NME7: variants seen among roughly 807,000 people sequenced by gnomAD.
NME7 encodes nucleoside diphosphate kinase 7.
In NME7, 41 loss-of-function variants were observed where a neutral mutation model predicts 49.1. That is an observed-to-expected ratio of 0.83 (90% CI 0.65 to 1.08). The LOEUF is 1.08. Ranked by LOEUF, NME7 falls within the 50% of genes least tolerant of loss-of-function variation. NME7 has a pLI of 0.00. For synonymous variants in NME7, 139 were observed against 150.6 expected (o/e 0.92, Z 0.56); for missense variants, 423 against 463.4 (o/e 0.91, Z 0.80).
At chr1:169,153,051 T>A (rs1200162) in intron 11 of NME7, among the ~76,000 whole-genome samples, 3,023 of 152,214 alleles carry the variant, frequency 0.02, 103 homozygotes, top group African/African-American at 0.069. Context: ...TTGACCTAGT[T>A]TGCTGTATAG....
chr1:169,311,760 A>G (rs1404334390), intron 3 of NME7, among the ~76,000 whole-genome samples: 2 of 152,200 alleles, frequency 1.3e-5, no homozygotes, highest in Non-Finnish European at 2.9e-5. Context: ...AGTAGTCATC[A>G]ATGTCTATAA....
At chr1:169,147,748 T>TA (rs1658800435) in intron 11 of NME7, among the ~76,000 whole-genome samples, 1 of 152,204 alleles carries the variant, frequency 6.6e-6, no homozygotes, top group Non-Finnish European at 1.5e-5. Context: ...ATATGAGATT[T>TA]AAAAGTAACG....
chr1:169,149,247 A>C (rs1258850942), intron 11 of NME7, among the ~76,000 whole-genome samples: 1 of 152,166 alleles, frequency 6.6e-6, no homozygotes, highest in Non-Finnish European at 1.5e-5. Context: ...AGGCCAAGGC[A>C]GGAGATTTGC....
intron 1 of NME7, among the ~76,000 whole-genome samples, chr1:169,349,129 G>A (rs1200019859): frequency 6.6e-6 from 1 of 151,878 alleles, no homozygotes; most frequent in Non-Finnish European, 1.5e-5. Flanking sequence ...TAAAGAATAA[G>A]TTAATAAGTT....
chr1:169,198,288 G>GA (rs1453676016), intron 10 of NME7, among the ~76,000 whole-genome samples: 1 of 152,038 alleles, frequency 6.6e-6, no homozygotes, highest in East Asian at 1.9e-4. Context: ...AGCCATTTTG[G>GA]AAAAAACTCT....
In NME7 at chr1:169,230,728, G is replaced by C; in HGVS notation, c.980C>G (p.Pro327Arg). 6.3e-7 allele frequency: 1 copy of C among 1,595,334 alleles called. No individual in the cohort carries two copies. The change falls in exon 10 of 12, where the codon CCT becomes CGT. Residue 327 changes from proline (P) to arginine (R), a missense_variant. By Grantham distance (103) the Pro-to-Arg change is moderately radical. Coordinates refer to ENST00000367811, the MANE Select transcript of NME7 (RefSeq NM_013330.5). ...TAAACAATAACTTACAGGATCAGCAGGTCCACAAAATTCTCGAAATGTCTT... is the reference window on the plus strand; with the variant it reads ...TAAACAATAACTTACAGGATCAGCACGTCCACAAAATTCTCGAAATGTCTT... ...ATKTFREFCG[P>R]ADPEIARHLR... is the part of the protein sequence containing the mutation.
Position 169,273,901 on chromosome 1 carries a change from G to A in NME7, c.754+13402C>T, listed in dbSNP as rs1398246926. 2.3e-5 allele frequency among the ~76,000 whole-genome samples: 3 copies of A among 128,704 alleles called. 1 individual carries two copies. Among genetic ancestry groups the A allele is most frequent in the African/African-American group, 7.8e-5 (3 of 38,262 alleles). 84.4% of individuals were successfully genotyped at this position (128,704 alleles called of 152,430 possible). A position where few individuals can be genotyped will look rare whatever the true frequency, so the allele number is the denominator to read the frequency against. ...GTTGGTTCCAAGTCTTTGCTATTGT[G>A]AATAGTGCCGCAATAAACATACGTG... is the stretch of plus-strand genomic sequence containing the variant. On this transcript the variant is annotated intron_variant, in intron 7 of 11. Transcript: ENST00000367811.
At chr1:169,202,959 T>C (rs146576735) in intron 10 of NME7, among the ~76,000 whole-genome samples, 165 of 146,296 alleles carry the variant, frequency 1.1e-3, no homozygotes, top group Non-Finnish European at 1.5e-3. Context: ...AGGAAGAAGC[T>C]GGTCAGGCAG....
At chr1:169,230,415 T>C (rs1370923293) in intron 10 of NME7, among the ~76,000 whole-genome samples, 1 of 152,172 alleles carries the variant, frequency 6.6e-6, no homozygotes, top group African/African-American at 2.4e-5. Context: ...CCTTAGATAA[T>C]TTCTATTATG....
chr1:169,343,650 C>G (rs558866963), intron 1 of NME7, among the ~76,000 whole-genome samples: 40 of 152,148 alleles, frequency 2.6e-4, no homozygotes, highest in African/African-American at 9.6e-4. Context: ...TGCCACCATG[C>G]CTGGCTAATT....
chr1:169,359,679 T>C (rs1234017666), intron 1 of NME7, among the ~76,000 whole-genome samples: 1 of 152,040 alleles, frequency 6.6e-6, no homozygotes, highest in African/African-American at 2.4e-5. Context: ...ATATAAAACA[T>C]ATATAGCATA....
intron 6 of NME7, among the ~76,000 whole-genome samples, chr1:169,296,726 G>A (rs551981464): frequency 6.7e-6 from 1 of 148,510 alleles, no homozygotes; most frequent in East Asian, 1.9e-4. Flanking sequence ...TTCAGTTTAC[G>A]TAAATTCTAT....
chr1:169,253,499 C>T lies in NME7; in HGVS notation c.755-15812G>A, dbSNP rs576169291. Among the ~76,000 whole-genome samples, 9 of 152,134 alleles carry T rather than the reference C, an allele frequency of 5.9e-5. No homozygotes were observed. The South Asian group carries it at 1.2e-3, about 21-fold the overall frequency. On this transcript the variant is annotated intron_variant, in intron 7 of 11. Coordinates refer to ENST00000367811, the MANE Select transcript of NME7 (RefSeq NM_013330.5). ...GGGTTTTCTAGATATACAATCATGT[C>T]GCCTGCAAACAGGGACAATTTGACT...
intron 10 of NME7, among the ~76,000 whole-genome samples, chr1:169,188,531 A>G (rs1487979358): frequency 6.6e-6 from 1 of 152,192 alleles, no homozygotes; most frequent in Non-Finnish European, 1.5e-5. Flanking sequence ...CACAAAGAGC[A>G]CACCTGGCTT....
chr1:169,174,171 A>G (rs1659682234), intron 10 of NME7, among the ~76,000 whole-genome samples: 1 of 152,218 alleles, frequency 6.6e-6, no homozygotes, highest in Non-Finnish European at 1.5e-5. Flanking sequence ...AAGATATCAA[A>G]AAAATGCACC....
chr1:169,223,269 T>C (rs1014997610), intron 10 of NME7, among the ~76,000 whole-genome samples: 3 of 152,202 alleles, frequency 2.0e-5, no homozygotes, highest in Admixed American at 1.3e-4. Flanking sequence ...CTCCAATCTA[T>C]GATATTCACT....
chr1:169,243,014 C>T (rs187551237), intron 7 of NME7, among the ~76,000 whole-genome samples: 3 of 152,086 alleles, frequency 2.0e-5, no homozygotes, highest in Admixed American at 6.6e-5. Flanking sequence ...ATCAAAATAC[C>T]AGCAAGTTTT....
chr1:169,247,087 C>T, intron 7 of NME7: 1 of 456,086 alleles, frequency 2.2e-6, no homozygotes, highest in Non-Finnish European at 4.4e-6. Flanking sequence ...GCTCAGCATG[C>T]AAAGGAAGCT....
At chr1:169,332,880 A>G (rs1652311722) in intron 1 of NME7, among the ~76,000 whole-genome samples, 1 of 152,188 alleles carries the variant, frequency 6.6e-6, no homozygotes, top group Non-Finnish European at 1.5e-5. Context: ...TAGGAATGTA[A>G]ATTAAAACAA....
Sources: gnomAD v4.1 joint callset for allele counts (sites outside exome capture counted in the v4.1 genomes callset) on GRCh38, gnomAD v4.1.1 for gene constraint, MANE v1.5 for transcripts, NCBI Gene and HGNC (gene_info 2026-07-23, HGNC 2026-07-21) for gene names.